GRID2: variants seen among roughly 807,000 people sequenced by gnomAD.
The protein encoded by GRID2 is glutamate receptor ionotropic, delta-2.
A neutral mutation model predicts 114.8 loss-of-function variants in GRID2; 33 were observed. The observed-to-expected ratio is 0.29, with a 90% CI of 0.22 to 0.38. The LOEUF (loss-of-function observed/expected upper bound fraction) is 0.38. Ranked by LOEUF, GRID2 falls within the 10% of genes least tolerant of loss-of-function variation. GRID2 has a pLI of 1.00. For synonymous variants in GRID2, 505 were observed against 449.9 expected (o/e 1.12, Z -1.55); for missense variants, 1,184 against 1,257.7 (o/e 0.94, Z 0.89).
chr4:92,760,682 A>C (rs1578155337), intron 2 of GRID2, among the ~76,000 whole-genome samples: 2 of 152,206 alleles, frequency 1.3e-5, no homozygotes, highest in African/African-American at 4.8e-5. Flanking sequence ...TCACATCTCT[A>C]TACAGAGTCT....
At chr4:92,771,385 A>G (rs574585898) in intron 2 of GRID2, among the ~76,000 whole-genome samples, 2 of 152,090 alleles carry the variant, frequency 1.3e-5, no homozygotes, top group East Asian at 3.9e-4. Context: ...GTGACTCCCT[A>G]TATGGTTGTG....
intron 2 of GRID2, among the ~76,000 whole-genome samples, chr4:93,011,128 T>G (rs1197614153): frequency 1.3e-5 from 2 of 151,942 alleles, no homozygotes; most frequent in Non-Finnish European, 2.9e-5. Context: ...AGGTTTTTTT[T>G]TTGTTTCTTT....
chr4:92,491,282 G>T (rs2149113700), intron 1 of GRID2, among the ~76,000 whole-genome samples: 1 of 152,168 alleles, frequency 6.6e-6, no homozygotes, highest in South Asian at 2.1e-4. Context: ...GTGACATCTT[G>T]GTTAAGGGGT....
intron 4 of GRID2, among the ~76,000 whole-genome samples, chr4:93,180,119 T>A (rs1024674472): frequency 1.3e-5 from 2 of 152,098 alleles, no homozygotes; most frequent in African/African-American, 4.8e-5. Context: ...TTGGATGCTA[T>A]ACTTGCCCCC....
chr4:92,698,242 G>A lies in GRID2; in HGVS notation c.244+107956G>A, dbSNP rs1279685623. Among the ~76,000 whole-genome samples the A allele has an allele frequency of 2.6e-5, 4 of 152,228 alleles. No individual in the cohort carries two copies. In the East Asian group the frequency reaches 7.7e-4, roughly 29 times the overall value. Reference sequence around the variant, plus strand: ...AATTAATGTTCTGATTTCAGCAATGGTTTAGGTTCTGTTCATAATCACATA... The same window carrying A: ...AATTAATGTTCTGATTTCAGCAATGATTTAGGTTCTGTTCATAATCACATA... On this transcript the variant is annotated intron_variant, in intron 2 of 15. Coordinates refer to ENST00000282020, the MANE Select transcript of GRID2 (RefSeq NM_001510.4).
intron 8 of GRID2, among the ~76,000 whole-genome samples, chr4:93,360,937 T>A (rs1247557996): frequency 6.6e-6 from 1 of 152,066 alleles, no homozygotes; most frequent in Non-Finnish European, 1.5e-5. Context: ...ACATTGTATA[T>A]TTGTGCTGCT....
At chr4:92,913,525 A>G (rs568583881) in intron 2 of GRID2, among the ~76,000 whole-genome samples, 2 of 152,038 alleles carry the variant, frequency 1.3e-5, no homozygotes, top group East Asian at 1.9e-4. Flanking sequence ...TCATTCTTCA[A>G]GAGACCAATT....
intron 14 of GRID2, among the ~76,000 whole-genome samples, chr4:93,703,652 C>A (rs577097658): frequency 2.9e-4 from 35 of 118,716 alleles, no homozygotes; most frequent in Non-Finnish European, 4.9e-4. Context: ...CCCCTCCCCC[C>A]ACCCCACAAC....
At chr4:92,308,858 T>C (rs891046806) in intron 1 of GRID2, among the ~76,000 whole-genome samples, 2 of 152,058 alleles carry the variant, frequency 1.3e-5, no homozygotes, top group Admixed American at 6.6e-5. Context: ...TTTCTACTTA[T>C]AGTAGTTGTT....
chr4:93,426,209 T>G (rs1768831443), intron 10 of GRID2, among the ~76,000 whole-genome samples: 1 of 152,188 alleles, frequency 6.6e-6, no homozygotes, highest in South Asian at 2.1e-4. Context: ...AGAATTGTAT[T>G]GGAAAGCATT....
intron 2 of GRID2, among the ~76,000 whole-genome samples, chr4:92,997,509 G>C (rs1329899065): frequency 6.6e-6 from 1 of 152,136 alleles, no homozygotes; most frequent in Non-Finnish European, 1.5e-5. Flanking sequence ...TTTTGATAGT[G>C]TTAGAAAGAA....
At chr4:93,734,604 G>T (rs1019669082) in intron 14 of GRID2, among the ~76,000 whole-genome samples, 5 of 151,998 alleles carry the variant, frequency 3.3e-5, no homozygotes, top group South Asian at 2.1e-4. Flanking sequence ...AGTTCACCAA[G>T]TTCATGCAGA....
chr4:92,814,632 G>A (rs570746126), intron 2 of GRID2, among the ~76,000 whole-genome samples: 8 of 152,232 alleles, frequency 5.3e-5, no homozygotes, highest in Admixed American at 5.2e-4. Context: ...TCGTAGAGGT[G>A]CCTCATTGGC....
intron 8 of GRID2, among the ~76,000 whole-genome samples, chr4:93,262,198 CAA>C (rs1750331410): frequency 6.6e-6 from 1 of 151,820 alleles, no homozygotes; most frequent in African/African-American, 2.4e-5. Flanking sequence ...GAAACCCAGT[CAA>C]AAATTTGACC....
Position 93,003,161 on chromosome 4 carries a change from G to T in GRID2, c.245-81834G>T, listed in dbSNP as rs143224187. Among the ~76,000 whole-genome samples, 1,023 of 151,820 alleles carry T rather than the reference G, an allele frequency of 6.7e-3. 7 individuals are homozygous for T. Among genetic ancestry groups the T allele is most frequent in the Middle Eastern group, 0.017 (5 of 294 alleles). On this transcript the variant is annotated intron_variant, in intron 2 of 15. Transcript: ENST00000282020. ...GATGTTAGCATTTAAATATCTTTGT[G>T]GTTATTCAGCCTACCAAAATGATAC...
intron 2 of GRID2, among the ~76,000 whole-genome samples, chr4:93,031,505 T>C (rs1252166782): frequency 6.6e-6 from 1 of 152,182 alleles, no homozygotes; most frequent in Non-Finnish European, 1.5e-5. Flanking sequence ...AAATCTCACG[T>C]TGAATTGTAG....
chr4:93,250,756 T>A (rs894930457), intron 8 of GRID2, among the ~76,000 whole-genome samples: 42 of 146,724 alleles, frequency 2.9e-4, no homozygotes, highest in African/African-American at 9.7e-4. Context: ...ATATATATAT[T>A]TATATATATA....
At chr4:92,725,634 G>A (rs1736031829) in intron 2 of GRID2, among the ~76,000 whole-genome samples, 1 of 152,094 alleles carries the variant, frequency 6.6e-6, no homozygotes, top group Admixed American at 6.6e-5. Flanking sequence ...AATCTTGGGA[G>A]ATGTTCGTAT....
intron 2 of GRID2, among the ~76,000 whole-genome samples, chr4:92,818,394 T>C (rs571975816): frequency 6.6e-6 from 1 of 152,104 alleles, no homozygotes; most frequent in East Asian, 1.9e-4. Context: ...AAAAGAAAAA[T>C]GGCATTTGAG....
Sources: allele counts gnomAD v4.1 joint callset (sites outside exome capture counted in the v4.1 genomes callset), GRCh38; gene constraint gnomAD v4.1.1; transcripts MANE v1.5; gene names NCBI Gene and HGNC (gene_info 2026-07-23, HGNC 2026-07-21).